DAB1: variants seen among roughly 807,000 people sequenced by gnomAD.
DAB1 encodes disabled homolog 1.
DAB1 carries 15 observed loss-of-function variants against 64.6 expected under a neutral mutation model. The ratio of observed to expected loss-of-function variants is 0.23; its 90% CI spans 0.16 to 0.36. DAB1 has a LOEUF of 0.36. Among genes scored for constraint, DAB1 ranks in the 10% least tolerant of loss-of-function variants. DAB1 has a pLI of 1.00. For synonymous variants in DAB1, 235 were observed against 251.9 expected (o/e 0.93, Z 0.64); for missense variants, 596 against 706.7 (o/e 0.84, Z 1.78).
chr1:57,573,351 GA>G (rs759685645), intron 7 of DAB1, among the ~76,000 whole-genome samples: 2 of 152,134 alleles, frequency 1.3e-5, no homozygotes, highest in Non-Finnish European at 2.9e-5. Context: ...CTCAGCCTCT[GA>G]AAGTGCTGGG....
chr1:58,343,185 G>T (rs1487910697), intron 4 of DAB1, among the ~76,000 whole-genome samples: 2 of 151,990 alleles, frequency 1.3e-5, no homozygotes, highest in East Asian at 3.9e-4. Flanking sequence ...AGCAGTAGCT[G>T]CTAGAGTTTT....
intron 10 of DAB1, 119 bp downstream of exon 10, chr1:57,025,862 A>G (rs1646768215): frequency 2.7e-6 from 2 of 753,102 alleles, no homozygotes. Context: ...AGCTTGAAAG[A>G]GTCAACACTG....
chr1:57,160,856 A>G (rs1232424032), intron 2 of DAB1, among the ~76,000 whole-genome samples: 2 of 152,098 alleles, frequency 1.3e-5, no homozygotes, highest in Non-Finnish European at 2.9e-5. Context: ...GCAGCATCCA[A>G]TCAATAACTG....
intron 5 of DAB1, among the ~76,000 whole-genome samples, chr1:57,896,546 T>C (rs1008836868): frequency 1.3e-5 from 2 of 152,082 alleles, no homozygotes; most frequent in Non-Finnish European, 2.9e-5. Context: ...TGAGACAGAC[T>C]TCAGTGGAGT....
At chr1:57,087,420 G>A (rs1293647280) in intron 4 of DAB1, among the ~76,000 whole-genome samples, 1 of 152,228 alleles carries the variant, frequency 6.6e-6, no homozygotes, top group African/African-American at 2.4e-5. Flanking sequence ...CAAGGGAGAA[G>A]GGGAGAGAAG....
At chr1:57,525,050 G>A (rs983027374) in intron 7 of DAB1, among the ~76,000 whole-genome samples, 2 of 152,108 alleles carry the variant, frequency 1.3e-5, no homozygotes, top group Non-Finnish European at 2.9e-5. Flanking sequence ...GATTAATCAA[G>A]GATAAAGGTA....
At chr1:57,553,416 AAG>A (rs57635928) in intron 7 of DAB1, among the ~76,000 whole-genome samples, 1,175 of 14,448 alleles carry the variant, frequency 0.081, 155 homozygotes, top group East Asian at 0.47. Context: ...GAAAGAAAGA[AAG>A]AAAGAAAGAA....
chr1:58,118,010 T>A (rs959643041), intron 5 of DAB1, among the ~76,000 whole-genome samples: 1 of 151,928 alleles, frequency 6.6e-6, no homozygotes. Context: ...GCTCAAGTGA[T>A]CTCCTACCTC....
At chr1:57,949,420 G>A (rs574272669) in intron 5 of DAB1, among the ~76,000 whole-genome samples, 16 of 152,118 alleles carry the variant, frequency 1.1e-4, no homozygotes, top group East Asian at 7.7e-4. Context: ...GTACTGGTCC[G>A]TGGCCTGGGG....
At position 57,939,932 on chromosome 1, in the gene DAB1, A is replaced by T. The variant is rs188637967; in HGVS notation, n.388-55770T>A. Among the ~76,000 whole-genome samples, 11 of 152,358 alleles carry T rather than the reference A, an allele frequency of 7.2e-5. No individual in the cohort carries two copies. The East Asian group carries it at 2.1e-3, about 29-fold the overall frequency. ...TAAGGCCTAAATAAATGTTGAATGA[A>T]CAACCAGCTTCCCAAAAAATTTTAA... On this transcript the variant is annotated intron_variant and non_coding_transcript_variant, in intron 5 of 20. Coordinates refer to the DAB1 transcript ENST00000485760.
At chr1:57,866,688 C>T (rs1166455865) in intron 1 of DAB1, among the ~76,000 whole-genome samples, 1 of 152,168 alleles carries the variant, frequency 6.6e-6, no homozygotes, top group African/African-American at 2.4e-5. Flanking sequence ...GAGGGCAGCA[C>T]AGTGTCTGCA....
intron 9 of DAB1, among the ~76,000 whole-genome samples, chr1:57,031,032 C>T (rs1646949945): frequency 6.6e-6 from 1 of 152,174 alleles, no homozygotes; most frequent in Non-Finnish European, 1.5e-5. Context: ...AATTTATTGG[C>T]TAATTTTCTC....
chr1:57,527,222 C>T (rs537489509), intron 7 of DAB1, among the ~76,000 whole-genome samples: 2 of 152,244 alleles, frequency 1.3e-5, no homozygotes, highest in Admixed American at 1.3e-4. Flanking sequence ...CAGACCGATT[C>T]CTTATCCAGA....
chr1:57,757,513 T>C (rs891139719), intron 6 of DAB1, among the ~76,000 whole-genome samples: 1 of 152,076 alleles, frequency 6.6e-6, no homozygotes, highest in Admixed American at 6.6e-5. Context: ...TCTTGGCTGA[T>C]AGGTGCATCA....
intron 2 of DAB1, among the ~76,000 whole-genome samples, chr1:57,179,395 CT>C (rs1487917777): frequency 6.6e-6 from 1 of 152,210 alleles, no homozygotes; most frequent in Non-Finnish European, 1.5e-5. Context: ...CCATTAATGA[CT>C]TCTAGAGGAG....
Position 57,788,534 on chromosome 1 carries a change from A to G in DAB1, n.551+95465T>C, listed in dbSNP as rs372080846. ...CCAGGAACTGGAGGTCAGGGAGAGCACTAACCACAAAGAAGTATGAGGGAA... is the reference window on the plus strand; with the variant it reads ...CCAGGAACTGGAGGTCAGGGAGAGCGCTAACCACAAAGAAGTATGAGGGAA... On this transcript the variant is annotated intron_variant and non_coding_transcript_variant, in intron 6 of 20. Transcript: ENST00000485760. 1.6e-4 allele frequency among the ~76,000 whole-genome samples: 25 copies of G among 152,238 alleles called. 1 individual carries two copies.
intron 1 of DAB1, among the ~76,000 whole-genome samples, chr1:57,368,390 T>A (rs1680235601): frequency 6.6e-6 from 1 of 151,896 alleles, no homozygotes. Flanking sequence ...CGAACCAGAG[T>A]GGGAACTTGT....
At chr1:57,597,229 C>G (rs967963310) in intron 7 of DAB1, among the ~76,000 whole-genome samples, 1 of 152,192 alleles carries the variant, frequency 6.6e-6, no homozygotes, top group Non-Finnish European at 1.5e-5. Context: ...ATTGTCACAT[C>G]CACCCTGGTT....
At chr1:58,397,346 C>A (rs1318021811) in intron 3 of DAB1, among the ~76,000 whole-genome samples, 1 of 152,196 alleles carries the variant, frequency 6.6e-6, no homozygotes, top group Non-Finnish European at 1.5e-5. Flanking sequence ...AGTGAGAGCT[C>A]CGGAGAGGCA....
Sources: gnomAD v4.1 joint callset for allele counts (sites outside exome capture counted in the v4.1 genomes callset) on GRCh38, gnomAD v4.1.1 for gene constraint, MANE v1.5 for transcripts, NCBI Gene and HGNC (gene_info 2026-07-23, HGNC 2026-07-21) for gene names.